Variants in UBE2E2 observed in about 807,000 individuals in gnomAD.
UBE2E2 encodes the protein ubiquitin conjugating enzyme E2 E2, also known as ubiquitin-conjugating enzyme E2 E2.
A neutral mutation model predicts 24.7 loss-of-function variants in UBE2E2; 6 were observed. That is an observed-to-expected ratio of 0.24 (90% CI 0.13 to 0.48). UBE2E2 has a LOEUF of 0.48. Among genes scored for constraint, UBE2E2 ranks in the 20% least tolerant of loss-of-function variants. The probability of loss-of-function intolerance (pLI) is 0.99; values close to 1 mark genes in which losing one functional copy is unlikely to be tolerated. For synonymous variants in UBE2E2, 104 were observed against 83.6 expected, an observed-to-expected ratio of 1.24 and a Z score of -1.33; for missense variants, 169 against 245.0, an observed-to-expected ratio of 0.69 and a Z score of 2.07.
intron 3 of UBE2E2, among the ~76,000 whole-genome samples, chr3:23,300,583 C>T (rs1431023036): frequency 6.6e-6 from 1 of 152,172 alleles, no homozygotes; most frequent in Non-Finnish European, 1.5e-5. Context: ...GTTGAAAATT[C>T]ATTTCTTTAA....
At chr3:23,277,074 A>C (rs1166786094) in intron 3 of UBE2E2, among the ~76,000 whole-genome samples, 1 of 152,188 alleles carries the variant, frequency 6.6e-6, no homozygotes, top group African/African-American at 2.4e-5. Context: ...ATGCGTTCTT[A>C]ATAATGTCTG....
chr3:23,539,968 G>A (rs2125491355), intron 5 of UBE2E2, among the ~76,000 whole-genome samples: 1 of 152,266 alleles, frequency 6.6e-6, no homozygotes, highest in South Asian at 2.1e-4. Flanking sequence ...AAAAAATAGA[G>A]AAAATGGTTA....
chr3:23,298,187 GC>G (rs1384651480), intron 3 of UBE2E2, among the ~76,000 whole-genome samples: 1 of 152,148 alleles, frequency 6.6e-6, no homozygotes, highest in Admixed American at 6.5e-5. Context: ...GAGATTTTGG[GC>G]TGAGACAGCG....
chr3:23,574,705 A>T (rs1696306996), intron 5 of UBE2E2, among the ~76,000 whole-genome samples: 1 of 152,146 alleles, frequency 6.6e-6, no homozygotes, highest in African/African-American at 2.4e-5. Flanking sequence ...TTCATCCTGG[A>T]CAACATGATG....
At chr3:23,450,572 A>C (rs1195105641) in intron 3 of UBE2E2, among the ~76,000 whole-genome samples, 1 of 152,170 alleles carries the variant, frequency 6.6e-6, no homozygotes, top group Non-Finnish European at 1.5e-5. Flanking sequence ...GAGGAAATAA[A>C]TTAAGAATTC....
At chr3:23,295,368 T>C (rs1368162740) in intron 3 of UBE2E2, among the ~76,000 whole-genome samples, 1 of 152,178 alleles carries the variant, frequency 6.6e-6, no homozygotes, top group Non-Finnish European at 1.5e-5. Context: ...ATTAAGGCCT[T>C]AATGCTATGT....
intron 3 of UBE2E2, among the ~76,000 whole-genome samples, chr3:23,274,279 A>AT (rs1475445712): frequency 6.6e-6 from 1 of 151,962 alleles, no homozygotes; most frequent in Non-Finnish European, 1.5e-5. Flanking sequence ...TAAGAAAATG[A>AT]TTTTTTTCCC....
At chr3:23,485,401 C>T (rs964805865) in intron 3 of UBE2E2, among the ~76,000 whole-genome samples, 8 of 152,180 alleles carry the variant, frequency 5.3e-5, no homozygotes, top group Non-Finnish European at 8.8e-5. Context: ...CTGGCCTCAA[C>T]ACTACCTCTT....
At chr3:23,221,077 G>T (rs1378629402) in intron 3 of UBE2E2, among the ~76,000 whole-genome samples, 5 of 152,176 alleles carry the variant, frequency 3.3e-5, no homozygotes, top group African/African-American at 1.2e-4. Flanking sequence ...ACGAGCAGGG[G>T]AATGACAGAG....
At chr3:23,273,233 A>T (rs1175888551) in intron 3 of UBE2E2, among the ~76,000 whole-genome samples, 1 of 152,200 alleles carries the variant, frequency 6.6e-6, no homozygotes, top group Non-Finnish European at 1.5e-5. Context: ...TTTCTTTGAA[A>T]CTGCAACTTT....
intron 3 of UBE2E2, among the ~76,000 whole-genome samples, chr3:23,308,745 A>G (rs1053918178): frequency 1.3e-4 from 20 of 152,292 alleles, no homozygotes; most frequent in Admixed American, 4.6e-4. Flanking sequence ...GATTCATGCT[A>G]TTACATAGGT....
intron 3 of UBE2E2, among the ~76,000 whole-genome samples, chr3:23,440,206 G>T (rs543175576): frequency 2.0e-5 from 3 of 152,088 alleles, no homozygotes; most frequent in African/African-American, 7.2e-5. Context: ...CTCAGGGGTC[G>T]GAGGTTGCAG....
chr3:23,215,624 C>T (rs546453149), intron 2 of UBE2E2, among the ~76,000 whole-genome samples: 38 of 152,264 alleles, frequency 2.5e-4, no homozygotes, highest in African/African-American at 7.7e-4. Context: ...CCCCCTCTTG[C>T]CTGTCTCAAC....
At chr3:23,249,744 T>C (rs6795583) in intron 3 of UBE2E2, among the ~76,000 whole-genome samples, 93,323 of 151,412 alleles carry the variant, frequency 0.62, 29,303 homozygotes, top group South Asian at 0.68. Flanking sequence ...CAAGCTCTGC[T>C]TTCTGGGTTC....
intron 3 of UBE2E2, among the ~76,000 whole-genome samples, chr3:23,268,909 A>G (rs989777815): frequency 2.6e-5 from 4 of 152,178 alleles, no homozygotes; most frequent in African/African-American, 9.7e-5. Context: ...CATATCTACA[A>G]CCATCTGATC....
intron 3 of UBE2E2, among the ~76,000 whole-genome samples, chr3:23,408,475 A>C (rs1334933110): frequency 6.6e-6 from 1 of 152,196 alleles, no homozygotes; most frequent in African/African-American, 2.4e-5. Flanking sequence ...CTCAGTAGAG[A>C]ATGAGGAATT....
At position 23,436,534 on chromosome 3, in the gene UBE2E2, A is replaced by G. The variant is rs1425903921; in HGVS notation, c.228-63074A>G. 2.0e-5 allele frequency among the ~76,000 whole-genome samples: 3 copies of G among 151,530 alleles called. No individual in the cohort carries two copies. The East Asian group carries it at 5.8e-4, about 29-fold the overall frequency. ...TTCCTTTAAAGGAAAATCTGAGTAT[A>G]AGTTCTAATTATATCTTGATTTACA... On this transcript the variant is annotated intron_variant, in intron 3 of 5. Coordinates refer to ENST00000396703, the MANE Select transcript of UBE2E2 (RefSeq NM_152653.4).
intron 3 of UBE2E2, among the ~76,000 whole-genome samples, chr3:23,230,058 G>T (rs894974381): frequency 6.6e-6 from 1 of 152,012 alleles, no homozygotes; most frequent in African/African-American, 2.4e-5. Flanking sequence ...TACATACTAC[G>T]TAACTACTTG....
chr3:23,431,185 G>T lies in UBE2E2; in HGVS notation c.228-68423G>T, dbSNP rs146329761. Among the ~76,000 whole-genome samples the T allele has an allele frequency of 2.6e-5, 4 of 152,272 alleles. No individual in the cohort carries two copies. In the East Asian group the frequency reaches 7.7e-4, roughly 29 times the overall value. On this transcript the variant is annotated intron_variant, in intron 3 of 5. Coordinates refer to ENST00000396703, the MANE Select transcript of UBE2E2 (RefSeq NM_152653.4). ...AGATGAGTGCTTGAGATACGACAAA[G>T]GAAGTTTTCACAGGCTTTGGTGTGA...
Sources: gnomAD v4.1 joint callset for allele counts (sites outside exome capture counted in the v4.1 genomes callset) on GRCh38, gnomAD v4.1.1 for gene constraint, MANE v1.5 for transcripts, NCBI Gene and HGNC (gene_info 2026-07-23, HGNC 2026-07-21) for gene names.